The following CTBP2 variants were observed in gnomAD, a reference collection of about 807,000 sequenced individuals.
CTBP2 encodes the protein C-terminal-binding protein 2.
CTBP2 carries 30 observed loss-of-function variants against 80.3 expected under a neutral mutation model. The ratio of observed to expected loss-of-function variants is 0.37; its 90% confidence interval spans 0.28 to 0.51. The LOEUF (loss-of-function observed/expected upper bound fraction) is 0.51, where lower values mean the gene tolerates loss of function less well. CTBP2 is among the 20% of genes least tolerant of loss of function. The pLI is 0.93. For synonymous variants in CTBP2, 594 were observed against 587.4 expected (o/e 1.01, Z -0.16); for missense variants, 1,212 against 1,375.3 (o/e 0.88, Z 1.88).
Position 124,994,808 on chromosome 10 carries a change from G to A in CTBP2, c.2186-125C>T, listed in dbSNP as rs186920497. 7.3e-4 allele frequency: 716 copies of A among 977,570 alleles called. 1 individual carries two copies. The highest frequency in any genetic ancestry group is 5.6e-5 in the Non-Finnish European group (36 of 640,236). The allele number at this position is 977,570 out of a possible 1,614,324, so 60.6% of individuals were successfully genotyped here. The stretch of plus-strand genomic sequence containing the variant: ...GCTGGTAGCTGCTGCCAGAGAAACC[G>A]TGTGCCCAAAGCTTAGTGAGGCCTG... On this transcript the variant is annotated intron_variant, in intron 4 of 8. Coordinates refer to ENST00000309035, the MANE Select transcript of CTBP2 (RefSeq NM_022802.3).
chr10:125,113,289 C>T (rs544835527), intron 1 of CTBP2, among the ~76,000 whole-genome samples: 3 of 152,300 alleles, frequency 2.0e-5, no homozygotes, highest in African/African-American at 7.2e-5. Flanking sequence ...AACTCCTATC[C>T]ACCCTTCAAA....
Position 125,154,811 on chromosome 10 carries a change from AAGG to A in CTBP2, c.-206+5505_-206+5507del, listed in dbSNP as rs1434801955. ...CTTTGGGACCTCGGCTCCCACGTGGAAGGAGAAGGGCTTTGTGAATGGGGGAGG... is the reference window on the plus strand; with the variant it reads ...CTTTGGGACCTCGGCTCCCACGTGGAAGAAGGGCTTTGTGAATGGGGGAGG... On this transcript the variant is annotated intron_variant, in intron 1 of 10. Transcript: ENST00000337195. 3.9e-5 allele frequency among the ~76,000 whole-genome samples: 6 copies of A among 152,226 alleles called. No individual in the cohort carries two copies. In the South Asian group the frequency reaches 1.2e-3, roughly 32 times the overall value.
intron 2 of CTBP2, among the ~76,000 whole-genome samples, chr10:125,076,720 C>T (rs1243735022): frequency 1.3e-5 from 2 of 152,192 alleles, no homozygotes; most frequent in Non-Finnish European, 2.9e-5. Flanking sequence ...TCTGAGAAGG[C>T]AGAGAGAAAA....
At chr10:125,020,026 T>C (rs987621227) in intron 1 of CTBP2, among the ~76,000 whole-genome samples, 1 of 152,050 alleles carries the variant, frequency 6.6e-6, no homozygotes, top group African/African-American at 2.4e-5. Flanking sequence ...CATTTGAAAG[T>C]AGAGTTAAAG....
At chr10:125,159,679 C>G (rs986903227) in intron 1 of CTBP2, among the ~76,000 whole-genome samples, 1 of 149,772 alleles carries the variant, frequency 6.7e-6, no homozygotes, top group Non-Finnish European at 1.5e-5. Flanking sequence ...CGCTCACGCC[C>G]CGACTTCCCC....
intron 2 of CTBP2, among the ~76,000 whole-genome samples, chr10:125,098,221 C>A (rs1379480479): frequency 6.6e-6 from 1 of 152,030 alleles, no homozygotes; most frequent in African/African-American, 2.4e-5. Flanking sequence ...TTCTTTTTTG[C>A]CAAGCACTGA....
At chr10:125,057,517 C>G (rs570443851) in intron 2 of CTBP2, among the ~76,000 whole-genome samples, 1 of 152,224 alleles carries the variant, frequency 6.6e-6, no homozygotes, top group Non-Finnish European at 1.5e-5. Flanking sequence ...CCAGACTCCC[C>G]CCGACTGAGT....
chr10:125,061,266 G>A (rs1252214319), intron 2 of CTBP2, among the ~76,000 whole-genome samples: 3 of 152,208 alleles, frequency 2.0e-5, no homozygotes, highest in Admixed American at 2.0e-4. Flanking sequence ...CTTCCCGATA[G>A]GACTTCCAGT....
chr10:125,137,441 C>T (rs1857140204), intron 1 of CTBP2, among the ~76,000 whole-genome samples: 1 of 152,316 alleles, frequency 6.6e-6, no homozygotes, highest in South Asian at 2.1e-4. Context: ...CCAGTTCCCT[C>T]CAAGGATGGT....
At chr10:125,065,878 T>C (rs140241596) in intron 2 of CTBP2, among the ~76,000 whole-genome samples, 15 of 152,228 alleles carry the variant, frequency 9.9e-5, no homozygotes, top group South Asian at 2.1e-4. Context: ...GGTGGGCGGA[T>C]AGCTTGAGCC....
intron 1 of CTBP2, among the ~76,000 whole-genome samples, chr10:125,158,202 T>C (rs1861279666): frequency 6.6e-6 from 1 of 152,014 alleles, no homozygotes; most frequent in Admixed American, 6.6e-5. Context: ...ATTCTCAAAG[T>C]ACATGAAAAC....
intron 1 of CTBP2, among the ~76,000 whole-genome samples, chr10:125,123,362 C>T (rs144368473): frequency 9.9e-5 from 15 of 152,282 alleles, no homozygotes; most frequent in South Asian, 4.1e-4. Flanking sequence ...TCAATTTCTC[C>T]GCTGTGTTGC....
At chr10:125,079,825 G>T (rs891134673) in intron 2 of CTBP2, among the ~76,000 whole-genome samples, 2 of 152,196 alleles carry the variant, frequency 1.3e-5, no homozygotes, top group Non-Finnish European at 2.9e-5. Context: ...ATGATGCAGG[G>T]AGACTGATTT....
chr10:124,990,630 G>A (rs1045054236), intron 8 of CTBP2, among the ~76,000 whole-genome samples: 6 of 152,166 alleles, frequency 3.9e-5, no homozygotes, highest in African/African-American at 1.4e-4. Context: ...AGAGTACAAT[G>A]GACCCTTAGG....
chr10:125,157,435 T>C (rs1316600121), intron 1 of CTBP2, among the ~76,000 whole-genome samples: 1 of 151,316 alleles, frequency 6.6e-6, no homozygotes, highest in Non-Finnish European at 1.5e-5. Flanking sequence ...ATTCTTTACC[T>C]TATCTTTCTG....
At chr10:125,145,768 T>C (rs1858657929) in intron 1 of CTBP2, among the ~76,000 whole-genome samples, 1 of 152,148 alleles carries the variant, frequency 6.6e-6, no homozygotes, top group Admixed American at 6.5e-5. Flanking sequence ...CCACATCTTA[T>C]TCATTGTGCA....
At chr10:125,004,047 A>G (rs113652642) in intron 1 of CTBP2, among the ~76,000 whole-genome samples, 9 of 152,162 alleles carry the variant, frequency 5.9e-5, no homozygotes, top group African/African-American at 2.2e-4. Context: ...TTCTCAAAGG[A>G]CCACACAGCA....
chr10:125,050,765 C>A (rs1053330082), intron 2 of CTBP2, among the ~76,000 whole-genome samples: 1 of 152,222 alleles, frequency 6.6e-6, no homozygotes, highest in African/African-American at 2.4e-5. Flanking sequence ...CATTTTAACA[C>A]TCATCATAGC....
chr10:125,138,776 A>G (rs1857347986), intron 1 of CTBP2, among the ~76,000 whole-genome samples: 1 of 152,156 alleles, frequency 6.6e-6, no homozygotes, highest in South Asian at 2.1e-4. Context: ...AGAACTACAG[A>G]GTTTCACCCT....
Sources: gnomAD v4.1 joint callset for allele counts (sites outside exome capture counted in the v4.1 genomes callset) on GRCh38, gnomAD v4.1.1 for gene constraint, MANE v1.5 for transcripts, NCBI Gene and HGNC (gene_info 2026-07-23, HGNC 2026-07-21) for gene names.